Variants in ZZZ3 observed in about 807,000 individuals in gnomAD.
ZZZ3 encodes the protein zinc finger ZZ-type containing 3.
In ZZZ3, 22 loss-of-function variants were observed where a neutral mutation model predicts 95.2. The observed-to-expected ratio is 0.23, with a 90% CI of 0.17 to 0.33. The LOEUF (loss-of-function observed/expected upper bound fraction) is 0.33, where lower values mean the gene tolerates loss of function less well. Among genes scored for constraint, ZZZ3 ranks in the 10% least tolerant of loss-of-function variants. The probability of loss-of-function intolerance (pLI) is 1.00; values close to 1 mark genes in which losing one functional copy is unlikely to be tolerated. For missense variants in ZZZ3, 885 were observed against 1,066.5 expected (o/e 0.83, Z 2.37); for synonymous variants, 335 against 358.9 (o/e 0.93, Z 0.75).
chr1:77,668,160 A>G (rs543926484), intron 1 of ZZZ3, among the ~76,000 whole-genome samples: 17 of 152,256 alleles, frequency 1.1e-4, no homozygotes, highest in African/African-American at 3.4e-4. Context: ...TTCTTCCCCA[A>G]TGGAATTTTT....
rs533712844 is a variant in ZZZ3, at chr1:77,662,425, T to C, written c.-403+20160A>G. On this transcript the variant is annotated intron_variant, in intron 1 of 14. Coordinates refer to ENST00000370801, the MANE Select transcript of ZZZ3 (RefSeq NM_015534.6). ...TCCCAAAGTGCTGGGATTACAGGCA[T>C]AAACCAATGCACCTCACCCAACAGG... is the stretch of plus-strand genomic sequence containing the variant. 1.9e-3 allele frequency among the ~76,000 whole-genome samples: 290 copies of C among 152,138 alleles called. 3 individuals carry two copies. Among genetic ancestry groups the C allele is most frequent in the Non-Finnish European group, 1.7e-3 (116 of 67,994 alleles).
At chr1:77,651,668 T>TG (rs376726424) in intron 1 of ZZZ3, among the ~76,000 whole-genome samples, 2 of 152,156 alleles carry the variant, frequency 1.3e-5, no homozygotes, top group Non-Finnish European at 2.9e-5. Flanking sequence ...ACCACAGTGA[T>TG]GGTTACACAC....
At chr1:77,657,248 C>T (rs1670352098) in intron 1 of ZZZ3, among the ~76,000 whole-genome samples, 1 of 152,220 alleles carries the variant, frequency 6.6e-6, no homozygotes, top group African/African-American at 2.4e-5. Flanking sequence ...TCCCAAAGTG[C>T]TAGGATTACA....
chr1:77,664,086 GAA>G (rs956746859), intron 1 of ZZZ3, among the ~76,000 whole-genome samples: 1 of 133,606 alleles, frequency 7.5e-6, no homozygotes, highest in Non-Finnish European at 1.6e-5. Context: ...AAATGTCTTG[GAA>G]AAAAAAAAAA....
At position 77,632,802 on chromosome 1, in the gene ZZZ3, C is replaced by G. The variant is rs1325456878; in HGVS notation, c.553G>C (p.Glu185Gln). 6.2e-7 allele frequency: 1 copy of G among 1,614,066 alleles called. No individual in the cohort carries two copies. The highest frequency in any genetic ancestry group is 1.3e-5 in the African/African-American group (1 of 74,934). ...REIKKVNVSE[E>Q]GPLNSAVVEE... Reference sequence around the variant, plus strand: ...ACTACTGCAGAATTAAGTGGCCCTTCCTCACTGACATTCACCTTTTTAATT... The same window carrying G: ...ACTACTGCAGAATTAAGTGGCCCTTGCTCACTGACATTCACCTTTTTAATT... Residue 185 changes from glutamate (E) to glutamine (Q), a missense_variant, in exon 5 of 15, where the codon GAA (glutamate) becomes CAA (glutamine). Glu to Gln is a conservative substitution (Grantham distance 29, BLOSUM62 2). This residue lies in a region of ZZZ3 where 556 missense variants were observed against 652.9 expected (regional missense o/e 0.85). Coordinates refer to ENST00000370801, the MANE Select transcript of ZZZ3 (RefSeq NM_015534.6).
intron 5 of ZZZ3, among the ~76,000 whole-genome samples, chr1:77,617,162 C>T (rs898137405): frequency 6.6e-6 from 1 of 152,232 alleles, no homozygotes; most frequent in Admixed American, 6.5e-5. Context: ...ACCTTTTTAA[C>T]CATTTTAAAG....
chr1:77,620,459 T>TAGAA (rs913523285), intron 5 of ZZZ3, among the ~76,000 whole-genome samples: 3 of 143,164 alleles, frequency 2.1e-5, no homozygotes, highest in East Asian at 2.1e-4. Flanking sequence ...TGGCCTACAT[T>TAGAA]AGAAAGAAAG....
At position 77,633,317 on chromosome 1, in the gene ZZZ3, G is replaced by A; in HGVS notation, c.38C>T (p.Thr13Ile). 2.5e-6 allele frequency: 4 copies of A among 1,612,774 alleles called. No homozygotes were observed. Among genetic ancestry groups the A allele is most frequent in the Non-Finnish European group, 3.4e-6 (4 of 1,179,370 alleles). ...TTCATCCAAGCCGTTTAACCCCACT[G>A]TTGATCTTGTAACACGAGTAGATCG... is the stretch of plus-strand genomic sequence containing the variant. ...ASRSTRVTRS[T>I]VGLNGLDESF... is the part of the protein sequence containing the mutation. Residue 13 changes from threonine to isoleucine, a missense_variant, in exon 5 of 15, where the codon ACA becomes ATA. Transcript: ENST00000370801.
At chr1:77,626,235 G>C (rs959342234) in intron 5 of ZZZ3, among the ~76,000 whole-genome samples, 1 of 152,084 alleles carries the variant, frequency 6.6e-6, no homozygotes. Flanking sequence ...ACTGGGAACT[G>C]GTTTCATGAA....
chr1:77,645,786 C>A (rs867769415), intron 1 of ZZZ3, among the ~76,000 whole-genome samples: 26 of 151,910 alleles, frequency 1.7e-4, no homozygotes, highest in South Asian at 2.1e-4. Flanking sequence ...GCCTGGCAAA[C>A]GTGATGAAAC....
At chr1:77,680,762 A>T (rs1672682084) in intron 1 of ZZZ3, among the ~76,000 whole-genome samples, 1 of 152,034 alleles carries the variant, frequency 6.6e-6, no homozygotes, top group Non-Finnish European at 1.5e-5. Context: ...CGTCTGAAAA[A>T]CTCCTATATA....
intron 5 of ZZZ3, among the ~76,000 whole-genome samples, chr1:77,620,430 T>A (rs1265065375): frequency 6.8e-6 from 1 of 146,266 alleles, no homozygotes; most frequent in Non-Finnish European, 1.5e-5. Flanking sequence ...TGTTAAGTAA[T>A]CCAGAAAAGA....
intron 1 of ZZZ3, among the ~76,000 whole-genome samples, chr1:77,671,017 G>T (rs1671737602): frequency 6.7e-6 from 1 of 150,168 alleles, no homozygotes; most frequent in African/African-American, 2.5e-5. Flanking sequence ...TGGGGGGGTG[G>T]TGGGGGTTGT....
intron 1 of ZZZ3, among the ~76,000 whole-genome samples, chr1:77,646,129 C>A (rs1007603907): frequency 6.6e-6 from 1 of 152,094 alleles, no homozygotes; most frequent in Non-Finnish European, 1.5e-5. Flanking sequence ...TCAAATTGTT[C>A]CTACCTCTGT....
At chr1:77,604,155 G>C (rs1665006436) in intron 5 of ZZZ3, among the ~76,000 whole-genome samples, 2 of 152,212 alleles carry the variant, frequency 1.3e-5, no homozygotes, top group Admixed American at 1.3e-4. Context: ...TCTAGCCTAG[G>C]CTAGAGATAT....
rs568036823 is a variant in ZZZ3, at chr1:77,590,734, C to T, written c.1506-6079G>A. Among the ~76,000 whole-genome samples the T allele has an allele frequency of 9.9e-5, 15 of 152,166 alleles. No homozygotes were observed. In the South Asian group the frequency reaches 2.9e-3, roughly 30 times the overall value. ...TGTGCAGTATATAATTTTATTGTAC[C>T]AATGTTAAATTGCTGGAGTATAATA... On this transcript the variant is annotated intron_variant, in intron 5 of 14. Coordinates refer to ENST00000370801, the MANE Select transcript of ZZZ3 (RefSeq NM_015534.6).
intron 1 of ZZZ3, among the ~76,000 whole-genome samples, chr1:77,678,638 T>A (rs1272974384): frequency 6.6e-6 from 1 of 152,252 alleles, no homozygotes; most frequent in Non-Finnish European, 1.5e-5. Flanking sequence ...TATTCTACTA[T>A]AGTTCCACCT....
chr1:77,675,618 TTTA>T (rs1672189047), intron 1 of ZZZ3, among the ~76,000 whole-genome samples: 1 of 152,102 alleles, frequency 6.6e-6, no homozygotes, highest in South Asian at 2.1e-4. Context: ...TTTTCAAATA[TTTA>T]TTATTTTTTC....
chr1:77,603,302 C>T (rs1664920049), intron 5 of ZZZ3, among the ~76,000 whole-genome samples: 1 of 152,208 alleles, frequency 6.6e-6, no homozygotes, highest in South Asian at 2.1e-4. Flanking sequence ...TGGTCTTAAA[C>T]TCCCGGGCTC....
Sources: allele counts gnomAD v4.1 joint callset (sites outside exome capture counted in the v4.1 genomes callset), GRCh38; gene constraint gnomAD v4.1.1; regional missense constraint gnomAD v4.1.1; transcripts MANE v1.5; gene names NCBI Gene and HGNC (gene_info 2026-07-23, HGNC 2026-07-21).